Variants in ZFHX3 observed in about 807,000 individuals in gnomAD.
ZFHX3 encodes zinc finger homeobox protein 3.
ZFHX3 carries 42 observed loss-of-function variants against 279.1 expected under a neutral mutation model. The ratio of observed to expected loss-of-function variants is 0.15; its 90% CI spans 0.12 to 0.19. The LOEUF is 0.19. Ranked by LOEUF, ZFHX3 falls within the 10% of genes least tolerant of loss-of-function variation. ZFHX3 has a pLI of 1.00. For missense variants in ZFHX3, 4,981 were observed against 4,754.0 expected (o/e 1.05, Z -1.40); for synonymous variants, 2,293 against 1,957.8 (o/e 1.17, Z -4.52).
At chr16:72,937,332 A>G (rs1180126032) in intron 3 of ZFHX3, among the ~76,000 whole-genome samples, 1 of 152,230 alleles carries the variant, frequency 6.6e-6, no homozygotes, top group Non-Finnish European at 1.5e-5. Flanking sequence ...AATAACACTC[A>G]TCGTGAAGTC....
chr16:72,913,732 A>G (rs2039375339), intron 3 of ZFHX3, among the ~76,000 whole-genome samples: 2 of 152,234 alleles, frequency 1.3e-5, no homozygotes, highest in Admixed American at 6.5e-5. Flanking sequence ...TTAATAAAAT[A>G]AAAACATCTC....
chr16:72,847,750 A>G (rs1230242371), intron 4 of ZFHX3, among the ~76,000 whole-genome samples: 1 of 152,060 alleles, frequency 6.6e-6, no homozygotes, highest in Non-Finnish European at 1.5e-5. Flanking sequence ...GCAGACGCAA[A>G]GCAGGGGAGA....
At chr16:73,633,740 A>T (rs973277456) in intron 2 of ZFHX3, among the ~76,000 whole-genome samples, 1 of 152,162 alleles carries the variant, frequency 6.6e-6, no homozygotes, top group African/African-American at 2.4e-5. Flanking sequence ...TGGCTTTTGA[A>T]TACGAAAATT....
intron 3 of ZFHX3, among the ~76,000 whole-genome samples, chr16:73,356,579 G>A (rs536355352): frequency 6.6e-6 from 1 of 152,130 alleles, no homozygotes; most frequent in African/African-American, 2.4e-5. Context: ...GGGAGTCCCA[G>A]CTCCGACACT....
chr16:73,348,676 G>A (rs567580946), intron 3 of ZFHX3, among the ~76,000 whole-genome samples: 1 of 152,358 alleles, frequency 6.6e-6, no homozygotes, highest in East Asian at 1.9e-4. Context: ...ATTGGCACAA[G>A]CAACACACTC....
At chr16:72,901,125 C>A (rs375281738) in intron 3 of ZFHX3, among the ~76,000 whole-genome samples, 2 of 152,168 alleles carry the variant, frequency 1.3e-5, no homozygotes, top group Non-Finnish European at 2.9e-5. Flanking sequence ...TTCACACCTG[C>A]ACTCGAAAAT....
chr16:73,383,867 A>G (rs2016856083), intron 3 of ZFHX3, among the ~76,000 whole-genome samples: 1 of 152,244 alleles, frequency 6.6e-6, no homozygotes, highest in Non-Finnish European at 1.5e-5. Context: ...TGCTCTGCAC[A>G]AACACACATT....
chr16:73,484,949 C>T (rs1007111937), intron 2 of ZFHX3, among the ~76,000 whole-genome samples: 1 of 151,504 alleles, frequency 6.6e-6, no homozygotes, highest in Non-Finnish European at 1.5e-5. Context: ...GCCTTTAGAA[C>T]CAGACAGAAT....
chr16:73,201,563 G>A (rs1400068953), intron 5 of ZFHX3, among the ~76,000 whole-genome samples: 1 of 152,300 alleles, frequency 6.6e-6, no homozygotes, highest in East Asian at 1.9e-4. Context: ...GCTTAGGCAG[G>A]TTCACTAAAT....
intron 2 of ZFHX3, among the ~76,000 whole-genome samples, chr16:73,541,786 CTTTTTTTTT>C (rs546761843): frequency 5.8e-4 from 51 of 88,138 alleles, no homozygotes; most frequent in African/African-American, 1.5e-3. Context: ...TGGTGGTTCT[CTTTTTTTTT>C]TTTTTTTTTT....
intron 1 of ZFHX3, among the ~76,000 whole-genome samples, chr16:73,768,616 C>A (rs1597105712): frequency 6.6e-6 from 1 of 152,244 alleles, no homozygotes; most frequent in East Asian, 1.9e-4. Context: ...TAACCTTGTT[C>A]TTGTCTGTAT....
chr16:73,817,618 T>A (rs1960611390), intron 1 of ZFHX3, among the ~76,000 whole-genome samples: 1 of 152,234 alleles, frequency 6.6e-6, no homozygotes, highest in Non-Finnish European at 1.5e-5. Context: ...GAACATCTAC[T>A]TGGCTCCTTT....
At chr16:73,877,202 C>T (rs13336070) in intron 1 of ZFHX3, among the ~76,000 whole-genome samples, 13 of 125,180 alleles carry the variant, frequency 1.0e-4, no homozygotes, top group South Asian at 8.3e-4. Context: ...GGGGTTAGGT[C>T]GGGGGGGGGT....
chr16:73,106,313 AAGCTTTCTC>A (rs1157186640), intron 7 of ZFHX3, among the ~76,000 whole-genome samples: 1 of 152,044 alleles, frequency 6.6e-6, no homozygotes, highest in African/African-American at 2.4e-5. Flanking sequence ...AGTGATGGTG[AAGCTTTCTC>A]AGCTCTGAGA....
At chr16:73,231,709 A>T (rs2012779071) in intron 5 of ZFHX3, among the ~76,000 whole-genome samples, 1 of 152,080 alleles carries the variant, frequency 6.6e-6, no homozygotes, top group African/African-American at 2.4e-5. Context: ...ATGTATCCCT[A>T]ATATTGGGTT....
intron 3 of ZFHX3, among the ~76,000 whole-genome samples, chr16:73,335,011 G>A (rs532309731): frequency 2.3e-4 from 35 of 151,626 alleles, no homozygotes; most frequent in Admixed American, 3.9e-4. Context: ...AACATTTAAA[G>A]GTAAATTCAA....
chr16:73,706,886 T>G (rs4888637), intron 1 of ZFHX3, among the ~76,000 whole-genome samples: 2 of 152,092 alleles, frequency 1.3e-5, no homozygotes, highest in African/African-American at 4.8e-5. Context: ...GCTCCATGAG[T>G]TACTTGTCTT....
intron 2 of ZFHX3, among the ~76,000 whole-genome samples, chr16:73,565,813 C>G (rs1300182755): frequency 1.3e-5 from 2 of 152,178 alleles, no homozygotes; most frequent in Non-Finnish European, 2.9e-5. Context: ...TCTGAATGCA[C>G]CGATGCAACT....
chr16:73,785,208 C>T (rs1959607601), intron 1 of ZFHX3, among the ~76,000 whole-genome samples: 2 of 152,252 alleles, frequency 1.3e-5, no homozygotes, highest in South Asian at 2.1e-4. Flanking sequence ...ACATTATTCA[C>T]AAATAAGCCA....
Sources: gnomAD v4.1 joint callset for allele counts (sites outside exome capture counted in the v4.1 genomes callset) on GRCh38, gnomAD v4.1.1 for gene constraint, MANE v1.5 for transcripts, NCBI Gene and HGNC (gene_info 2026-07-23, HGNC 2026-07-21) for gene names.